Variants in AGAP1 observed in about 807,000 individuals in gnomAD.
The protein encoded by AGAP1 is ArfGAP with GTPase domain, ankyrin repeat and PH domain 1, also known as arf-GAP with GTPase, ANK repeat and PH domain-containing protein 1.
A neutral mutation model predicts 105.3 loss-of-function variants in AGAP1; 29 were observed. That is an observed-to-expected ratio of 0.28 (90% confidence interval 0.21 to 0.38). AGAP1 has a LOEUF of 0.38. AGAP1 is among the 10% of genes least tolerant of loss of function. The pLI is 1.00. For missense variants in AGAP1, 998 were observed against 1,165.1 expected (o/e 0.86, Z 2.09); for synonymous variants, 509 against 485.9 (o/e 1.05, Z -0.63).
intron 4 of AGAP1, among the ~76,000 whole-genome samples, chr2:235,742,983 A>G (rs894054215): frequency 5.9e-5 from 9 of 152,182 alleles, no homozygotes; most frequent in Non-Finnish European, 1.2e-4. Flanking sequence ...CCTGGCCAAC[A>G]TGGTGAAACC....
intron 1 of AGAP1, among the ~76,000 whole-genome samples, chr2:235,579,636 C>T (rs1014310237): frequency 6.6e-5 from 10 of 151,940 alleles, no homozygotes; most frequent in African/African-American, 2.4e-4. Flanking sequence ...ATTAGCCGGG[C>T]GTGGTGGTGG....
chr2:236,076,667 G>A lies in AGAP1; in HGVS notation c.2114+27386G>A, dbSNP rs1278064338. 1.3e-5 allele frequency among the ~76,000 whole-genome samples: 2 copies of A among 152,080 alleles called. No homozygotes were observed. The highest frequency in any genetic ancestry group is 2.9e-5 in the Non-Finnish European group (2 of 68,034). ...GAACTGGATTAAACAAAATTACAGA[G>A]GCTTCTTTGTGGCACTTAATAATTT... On this transcript the variant is annotated intron_variant, in intron 16 of 17. Transcript: ENST00000304032. The surrounding 1 kb of genome is among the most constrained non-coding windows in gnomAD (Gnocchi z 4.4).
In AGAP1 at chr2:235,611,604, A is replaced by G. The variant is rs4378750; in HGVS notation, c.164-97575A>G. Reference sequence around the variant, plus strand: ...GTGTAATTAGAGAATCCCTCTCCACATGTGTTCTCTGAACAGGGAGCCCAG... The same window carrying G: ...GTGTAATTAGAGAATCCCTCTCCACGTGTGTTCTCTGAACAGGGAGCCCAG... On this transcript the variant is annotated intron_variant, in intron 1 of 17. Coordinates refer to ENST00000304032, the MANE Select transcript of AGAP1 (RefSeq NM_001037131.3). The surrounding 1 kb of genome is among the most constrained non-coding windows in gnomAD (Gnocchi z 5.0). Among the ~76,000 whole-genome samples, 92,854 of 152,056 alleles carry G rather than the reference A, an allele frequency of 0.61. 29,737 individuals are homozygous for G. Among genetic ancestry groups the G allele is most frequent in the African/African-American group, 0.8 (33,262 of 41,484 alleles).
At chr2:235,726,844 C>G (rs1055189495) in intron 3 of AGAP1, among the ~76,000 whole-genome samples, 2 of 152,018 alleles carry the variant, frequency 1.3e-5, no homozygotes, top group South Asian at 2.1e-4. Flanking sequence ...TCTTAACTTG[C>G]ATCTCTGGAG....
At position 235,875,885 on chromosome 2, in the gene AGAP1, T is replaced by C. The variant is rs1348319053; in HGVS notation, c.1051-7460T>C. On this transcript the variant is annotated intron_variant, in intron 9 of 17. Transcript: ENST00000304032. This position sits in a 1 kb window ranked among gnomAD's most constrained non-coding sequence, Gnocchi z 4.0. Reference sequence around the variant, plus strand: ...AATTTTTATTCAATGGGTAAATGTCTTTTTATTTCATTTTAAAAACTCAAT... The same window carrying C: ...AATTTTTATTCAATGGGTAAATGTCCTTTTATTTCATTTTAAAAACTCAAT... 1.3e-5 allele frequency among the ~76,000 whole-genome samples: 2 copies of C among 152,252 alleles called. No individual in the cohort carries two copies. Among genetic ancestry groups the C allele is most frequent in the African/African-American group, 4.8e-5 (2 of 41,470 alleles).
intron 2 of AGAP1, among the ~76,000 whole-genome samples, chr2:235,715,931 G>T (rs182714312): frequency 7.2e-5 from 11 of 152,186 alleles, no homozygotes; most frequent in Non-Finnish European, 1.3e-4. Context: ...GAGAGGCAAG[G>T]TGTGGACCCA....
intron 6 of AGAP1, among the ~76,000 whole-genome samples, chr2:235,772,618 CTTGA>C (rs1955546818): frequency 6.6e-6 from 1 of 152,192 alleles, no homozygotes; most frequent in South Asian, 2.1e-4. Flanking sequence ...TCTGCCTTTT[CTTGA>C]TTATCTTCTT....
chr2:235,943,620 G>A (rs2053363874), intron 12 of AGAP1, among the ~76,000 whole-genome samples: 2 of 152,206 alleles, frequency 1.3e-5, no homozygotes, highest in South Asian at 4.1e-4. Flanking sequence ...AAAGTGCTGG[G>A]ATTACAGGCA....
chr2:235,679,725 G>T (rs1276975688), intron 1 of AGAP1, among the ~76,000 whole-genome samples: 2 of 152,188 alleles, frequency 1.3e-5, no homozygotes, highest in African/African-American at 2.4e-5. Context: ...CTCCTGGAGG[G>T]CTGGCACCAG....
Position 235,517,335 on chromosome 2 carries a change from G to A in AGAP1, c.163+22486G>A, listed in dbSNP as rs1031961003. ...TGCAGAGGAATTTGGGGGATACTGCGCAGTCCGTACAGCATCCCTCCCTCC... is the reference window on the plus strand; with the variant it reads ...TGCAGAGGAATTTGGGGGATACTGCACAGTCCGTACAGCATCCCTCCCTCC... On this transcript the variant is annotated intron_variant, in intron 1 of 17. Transcript: ENST00000304032. The surrounding 1 kb of genome is among the most constrained non-coding windows in gnomAD (Gnocchi z 4.1). 3.9e-5 allele frequency among the ~76,000 whole-genome samples: 6 copies of A among 152,272 alleles called. No individual in the cohort carries two copies. In the East Asian group the frequency reaches 7.7e-4, roughly 20 times the overall value.
rs1408635560 is a variant in AGAP1, at chr2:235,689,119, G to A, written c.164-20060G>A. Among the ~76,000 whole-genome samples, 1 of 152,198 alleles carries A rather than the reference G, an allele frequency of 6.6e-6. No homozygotes were observed. Among genetic ancestry groups the A allele is most frequent in the Non-Finnish European group, 1.5e-5 (1 of 68,038 alleles). On this transcript the variant is annotated intron_variant, in intron 1 of 17. Coordinates refer to ENST00000304032, the MANE Select transcript of AGAP1 (RefSeq NM_001037131.3). The surrounding 1 kb of genome is among the most constrained non-coding windows in gnomAD (Gnocchi z 4.2). ...TATTTATAGAGCAATGAAGAAATAAGCCCAAGGCTATCCCATGAGTTAGGG... is the reference window on the plus strand; with the variant it reads ...TATTTATAGAGCAATGAAGAAATAAACCCAAGGCTATCCCATGAGTTAGGG...
intron 9 of AGAP1, among the ~76,000 whole-genome samples, chr2:235,854,076 A>G (rs1408672103): frequency 6.6e-6 from 1 of 152,176 alleles, no homozygotes; most frequent in Non-Finnish European, 1.5e-5. Flanking sequence ...CCCGCCTTAT[A>G]TGACTGGATA....
intron 16 of AGAP1, among the ~76,000 whole-genome samples, chr2:236,066,464 G>A (rs2058348514): frequency 6.6e-6 from 1 of 152,128 alleles, no homozygotes; most frequent in Non-Finnish European, 1.5e-5. Flanking sequence ...GAGCTCAATT[G>A]ATCCACCCGC....
At position 236,075,216 on chromosome 2, in the gene AGAP1, G is replaced by A. The variant is rs776301325; in HGVS notation, c.2114+25935G>A. Among the ~76,000 whole-genome samples, 57 of 152,122 alleles carry A rather than the reference G, an allele frequency of 3.7e-4. 1 individual carries two copies. Among genetic ancestry groups the A allele is most frequent in the Non-Finnish European group, 6.5e-4 (44 of 68,016 alleles). The stretch of plus-strand genomic sequence containing the variant: ...GGAATCTTTCAGGGGTGGCAGAAAC[G>A]TTCTAAACCAGATTCTGGTGATGGT... On this transcript the variant is annotated intron_variant, in intron 16 of 17. Transcript: ENST00000304032.
rs781325504 is a variant in AGAP1 at position 236,120,249 on chromosome 2, G to A, written c.2172G>A (p.Pro724=). 57 of 1,613,290 alleles carry A rather than the reference G, an allele frequency of 3.5e-5. No individual in the cohort carries two copies. Among genetic ancestry groups the A allele is most frequent in the Middle Eastern group, 1.6e-4 (1 of 6,072 alleles). The change falls in exon 17 of 18, where the codon CCG becomes CCA. Residue 724 remains proline, a synonymous_variant. Coordinates refer to ENST00000304032, the MANE Select transcript of AGAP1 (RefSeq NM_001037131.3). The surrounding 1 kb of genome is among the most constrained non-coding windows in gnomAD (Gnocchi z 6.0). ...ACGAGCAGAAGCTCTTCCTGGCCCCGCTGCCCTGCACGGAGCTGTCCCTGG... is the reference window on the plus strand; with the variant it reads ...ACGAGCAGAAGCTCTTCCTGGCCCCACTGCCCTGCACGGAGCTGTCCCTGG... ...AKYEQKLFLA[P]LPCTELSLGQ... is the part of the protein sequence containing the mutation.
In AGAP1 at chr2:235,982,373, C is replaced by A. The variant is rs958348715; in HGVS notation, c.1645+13750C>A. Among the ~76,000 whole-genome samples, 2 of 152,080 alleles carry A rather than the reference C, an allele frequency of 1.3e-5. No homozygotes were observed. Among genetic ancestry groups the A allele is most frequent in the Non-Finnish European group, 2.9e-5 (2 of 68,030 alleles). On this transcript the variant is annotated intron_variant, in intron 13 of 17. Coordinates refer to ENST00000304032, the MANE Select transcript of AGAP1 (RefSeq NM_001037131.3). The surrounding 1 kb of genome is among the most constrained non-coding windows in gnomAD (Gnocchi z 4.9). ...TATAACTATTTTCATGATTTTCCCC[C>A]AAAATATTACTTTATTCTGCACACC... is the stretch of plus-strand genomic sequence containing the variant.
At position 235,569,430 on chromosome 2, in the gene AGAP1, G is replaced by A. The variant is rs1190869604; in HGVS notation, c.163+74581G>A. 1.3e-5 allele frequency among the ~76,000 whole-genome samples: 2 copies of A among 152,148 alleles called. No individual in the cohort carries two copies. Among genetic ancestry groups the A allele is most frequent in the African/African-American group, 4.8e-5 (2 of 41,424 alleles). ...CTAGCAGCCTTCCAAAGTAGGCTTC[G>A]GGATTCAGTTTTACAGATAGGGAAA... is the stretch of plus-strand genomic sequence containing the variant. On this transcript the variant is annotated intron_variant, in intron 1 of 17. Transcript: ENST00000304032. The surrounding 1 kb of genome is among the most constrained non-coding windows in gnomAD (Gnocchi z 5.9).
At chr2:236,024,034 G>GTTTT (rs1164008066) in intron 13 of AGAP1, among the ~76,000 whole-genome samples, 2 of 129,112 alleles carry the variant, frequency 1.5e-5, no homozygotes, top group Non-Finnish European at 1.6e-5. Context: ...TTTTTTTTTT[G>GTTTT]TTTTTTTTTT....
rs1385404299 is a variant in AGAP1, at chr2:235,663,729, G to A, written c.164-45450G>A. ...TGTTCTCTGACAGTTCGTGATATTC[G>A]TTCCTACTCCAGGAAGCTCTTAGGA... On this transcript the variant is annotated intron_variant, in intron 1 of 17. Transcript: ENST00000304032. The surrounding 1 kb of genome is among the most constrained non-coding windows in gnomAD (Gnocchi z 5.4). Among the ~76,000 whole-genome samples, 2 of 152,128 alleles carry A rather than the reference G, an allele frequency of 1.3e-5. No individual in the cohort carries two copies. The highest frequency in any genetic ancestry group is 2.9e-5 in the Non-Finnish European group (2 of 68,036).
Sources: allele counts gnomAD v4.1 joint callset (sites outside exome capture counted in the v4.1 genomes callset), GRCh38; gene constraint gnomAD v4.1.1; non-coding constraint Gnocchi (gnomAD v3.1); transcripts MANE v1.5; gene names NCBI Gene and HGNC (gene_info 2026-07-23, HGNC 2026-07-21).